THEM6: variants seen among roughly 807,000 people sequenced by gnomAD.
THEM6 encodes protein THEM6.
A neutral mutation model predicts 13.7 loss-of-function variants in THEM6; 10 were observed. The ratio of observed to expected loss-of-function variants is 0.73; its 90% confidence interval spans 0.45 to 1.24. The LOEUF (loss-of-function observed/expected upper bound fraction) is 1.24. Among genes scored for constraint, THEM6 ranks in the 50% most tolerant of loss-of-function variants. The pLI is 0.00. For synonymous variants in THEM6, 161 were observed against 156.0 expected (o/e 1.03, Z -0.24); for missense variants, 317 against 312.6 (o/e 1.01, Z -0.11).
Position 142,735,278 on chromosome 8 carries a change from G to A in THEM6, c.514-48G>A, listed in dbSNP as rs1162186406. 3 of 1,404,390 alleles carry A rather than the reference G, an allele frequency of 2.1e-6. No homozygotes were observed. The South Asian group carries it at 3.7e-5, about 17-fold the overall frequency. The allele number at this position is 1,404,390 out of a possible 1,614,324, so 87.0% of individuals were successfully genotyped here. On this transcript the variant is annotated intron_variant, in intron 1 of 1. Transcript: ENST00000336138. ...GAGCAGTGTGGGCAGCGGCCCAGAG[G>A]TGGGAAGGCCGTAGCTTAGCTGGGT...
intron 1 of THEM6, among the ~76,000 whole-genome samples, chr8:142,733,279 C>A (rs896665732): frequency 2.0e-5 from 3 of 152,180 alleles, no homozygotes; most frequent in African/African-American, 4.8e-5. Context: ...TATAAGCATG[C>A]CAGGGCAAAT....
rs1034222386 is a variant in THEM6, at chr8:142,735,630, G to A, written c.*191G>A. On this transcript the variant is annotated 3_prime_UTR_variant, in exon 2 of 2. Coordinates refer to ENST00000336138, the MANE Select transcript of THEM6 (RefSeq NM_016647.3). ...CTGGGCTCCACGCTAGGCAGAAGGAGGAGTGGCATTGGCATCCTGACCCAG... is the reference window on the plus strand; with the variant it reads ...CTGGGCTCCACGCTAGGCAGAAGGAAGAGTGGCATTGGCATCCTGACCCAG... The A allele has an allele frequency of 1.4e-5, 8 of 580,594 alleles. No individual in the cohort carries two copies. The highest frequency in any genetic ancestry group is 2.2e-5 in the Non-Finnish European group (7 of 321,664). The allele number at this position is 580,594 out of a possible 1,614,324, so 36.0% of individuals were successfully genotyped here. A position where few individuals can be genotyped will look rare whatever the true frequency, so the allele number is the denominator to read the frequency against.
intron 1 of THEM6, among the ~76,000 whole-genome samples, chr8:142,733,512 C>T (rs1815697090): frequency 6.6e-6 from 1 of 152,188 alleles, no homozygotes. Flanking sequence ...TCTGGGGATG[C>T]AGCCCAGCAG....
At chr8:142,729,379 C>T (rs1344455648) in intron 1 of THEM6, among the ~76,000 whole-genome samples, 3 of 152,086 alleles carry the variant, frequency 2.0e-5, no homozygotes, top group Admixed American at 6.5e-5. Flanking sequence ...ACAAAGGAGA[C>T]AGGCTCATTT....
intron 1 of THEM6, among the ~76,000 whole-genome samples, chr8:142,729,654 T>G (rs1225901210): frequency 2.0e-5 from 3 of 152,048 alleles, no homozygotes; most frequent in African/African-American, 7.3e-5. Context: ...TTTATGTCAA[T>G]CCCCATACCA....
chr8:142,734,930 C>T (rs1815726830), intron 1 of THEM6: 2 of 195,418 alleles, frequency 1.0e-5, no homozygotes, highest in Non-Finnish European at 2.1e-5. Flanking sequence ...AAGTGCCATC[C>T]TCTGGGTGCC....
At chr8:142,734,882 A>G in intron 1 of THEM6, 1 of 168,376 alleles carries the variant, frequency 5.9e-6, no homozygotes, top group East Asian at 1.7e-4. Context: ...GAGAGGGTTG[A>G]TAGTGGAGTG....
In THEM6 at chr8:142,727,809, CT is replaced by C. The variant is rs1440890673; in HGVS notation, c.464del (p.Leu155ArgfsTer87). 5.6e-5 allele frequency: 82 copies of C among 1,466,378 alleles called. No homozygotes were observed. Among genetic ancestry groups the C allele is most frequent in the Non-Finnish European group, 7.2e-5 (81 of 1,117,800 alleles). 90.8% of individuals were successfully genotyped at this position (1,466,378 alleles called of 1,614,324 possible). Reference sequence around the variant, plus strand: ...CGCGCTGCTGCGCTTCCGGCAGCACCTGCTGGGCACCTCACCCGAGCGCGTC... The same window carrying C: ...CGCGCTGCTGCGCTTCCGGCAGCACCGCTGGGCACCTCACCCGAGCGCGTC... ...VCALLRFRQH[L>X]LGTSPERVVQ... On this transcript the variant is annotated frameshift_variant, in exon 1 of 2. Coordinates refer to ENST00000336138, the MANE Select transcript of THEM6 (RefSeq NM_016647.3). LOFTEE classifies it high-confidence loss of function.
At chr8:142,734,577 G>C (rs587750680) in intron 1 of THEM6, 12 of 152,920 alleles carry the variant, frequency 7.8e-5, no homozygotes, top group African/African-American at 2.9e-4. Context: ...GAAGAGCTGG[G>C]CTGGGGTGAG....
intron 1 of THEM6, among the ~76,000 whole-genome samples, chr8:142,730,901 T>C (rs1175354901): frequency 2.0e-5 from 3 of 152,054 alleles, no homozygotes; most frequent in African/African-American, 4.8e-5. Context: ...CCCGCCACCA[T>C]GCCCAGCTAA....
At chr8:142,732,703 G>A (rs1815677698) in intron 1 of THEM6, among the ~76,000 whole-genome samples, 1 of 146,298 alleles carries the variant, frequency 6.8e-6, no homozygotes, top group Admixed American at 7.1e-5. Flanking sequence ...TAGGTTGCTG[G>A]CCAGTTTCTT....
At chr8:142,735,215 G>C (rs1815731016) in intron 1 of THEM6, 111 bp from the exon 2 acceptor site, 2 of 775,444 alleles carry the variant, frequency 2.6e-6, no homozygotes, top group African/African-American at 3.4e-5. Context: ...AGCATGGCAG[G>C]CGGCGGGGCA....
chr8:142,734,137 T>A (rs1815709165), intron 1 of THEM6, among the ~76,000 whole-genome samples: 1 of 152,218 alleles, frequency 6.6e-6, no homozygotes, highest in Non-Finnish European at 1.5e-5. Context: ...TGGGCTAGTC[T>A]TTCTGGTTAA....
At position 142,727,794 on chromosome 8, in the gene THEM6, C is replaced by A. The variant is rs1554642545; in HGVS notation, c.448C>A (p.Arg150Ser). ...LRDGFVCALL[R>S]FRQHLLGTSP... ...GGACGGCTTCGTGTGCGCGCTGCTG[C>A]GCTTCCGGCAGCACCTGCTGGGCAC... The change falls in exon 1 of 2, where the codon CGC (arginine) becomes AGC (serine). Residue 150 changes from arginine (R) to serine (S), a missense_variant. Arg to Ser is a moderately radical substitution (Grantham distance 110). Transcript: ENST00000336138. The A allele has an allele frequency of 6.8e-7, 1 of 1,468,594 alleles. No homozygotes were observed. Among genetic ancestry groups the A allele is most frequent in the Non-Finnish European group, 8.9e-7 (1 of 1,118,816 alleles). The allele number at this position is 1,468,594 out of a possible 1,614,324, so 91.0% of individuals were successfully genotyped here.
chr8:142,727,655 G>T lies in THEM6; in HGVS notation c.309G>T (p.Ser103=). Residue 103 remains serine, a synonymous_variant, in exon 1 of 2, where the codon TCG becomes TCT. Coordinates refer to ENST00000336138, the MANE Select transcript of THEM6 (RefSeq NM_016647.3). ...ELRAHTVLAA[S]CARHRRSLRL... is the part of the protein sequence containing the mutation. Reference sequence around the variant, plus strand: ...GGGCGCACACGGTGCTGGCGGCCTCGTGCGCGCGCCACCGCCGCTCGCTGC... The same window carrying T: ...GGGCGCACACGGTGCTGGCGGCCTCTTGCGCGCGCCACCGCCGCTCGCTGC... 1 of 1,443,464 alleles carries T rather than the reference G, an allele frequency of 6.9e-7. No homozygotes were observed. The highest frequency in any genetic ancestry group is 9.0e-7 in the Non-Finnish European group (1 of 1,109,632). 89.4% of individuals were successfully genotyped at this position (1,443,464 alleles called of 1,614,324 possible). A position where few individuals can be genotyped will look rare whatever the true frequency, so the allele number is the denominator to read the frequency against.
rs782464409 is a variant in THEM6 at position 142,727,483 on chromosome 8, C to G, written c.137C>G (p.Ala46Gly). 25 of 1,576,686 alleles carry G rather than the reference C, an allele frequency of 1.6e-5. No individual in the cohort carries two copies. Among genetic ancestry groups the G allele is most frequent in the Non-Finnish European group, 8.6e-7 (1 of 1,169,574 alleles). ...LLQPRVRDLLAEQRFPGRVLP... is the reference protein window; with the variant it reads ...LLQPRVRDLLGEQRFPGRVLP... ...CAGCCGCGCGTCCGTGACCTGCTAG[C>G]TGAGCAGCGCTTCCCGGGCCGCGTG... is the stretch of plus-strand genomic sequence containing the variant. Residue 46 changes from alanine to glycine, a missense_variant, in exon 1 of 2, where the codon GCT (alanine) becomes GGT (glycine). Transcript: ENST00000336138.
chr8:142,735,763 G>C lies in THEM6; in HGVS notation c.*324G>C. Reference sequence around the variant, plus strand: ...GGGGAGGATGGTGCCTGGAGCAGAGGGACCCACAAGTGCCTCCCGAGCCTA... The same window carrying C: ...GGGGAGGATGGTGCCTGGAGCAGAGCGACCCACAAGTGCCTCCCGAGCCTA... On this transcript the variant is annotated 3_prime_UTR_variant, in exon 2 of 2. Transcript: ENST00000336138. 3.2e-6 allele frequency: 1 copy of C among 315,274 alleles called. No individual in the cohort carries two copies. Among genetic ancestry groups the C allele is most frequent in the South Asian group, 3.9e-5 (1 of 25,416 alleles). 19.5% of individuals were successfully genotyped at this position (315,274 alleles called of 1,614,324 possible).
chr8:142,727,345 C>T lies in THEM6; in HGVS notation c.-2C>T. 1 of 1,510,060 alleles carries T rather than the reference C, an allele frequency of 6.6e-7. No homozygotes were observed. The highest frequency in any genetic ancestry group is 8.8e-7 in the Non-Finnish European group (1 of 1,136,304). 93.5% of individuals were successfully genotyped at this position (1,510,060 alleles called of 1,614,324 possible). On this transcript the variant is annotated 5_prime_UTR_variant, in exon 1 of 2. Coordinates refer to ENST00000336138, the MANE Select transcript of THEM6 (RefSeq NM_016647.3). ...CAGGACCCCGCGCCCGCCGCCGCCG[C>T]TATGCTGGGGCTGCTGGTGGCGTTG...
Position 142,727,511 on chromosome 8 carries a change from GC to G in THEM6, c.168del (p.Ser57ArgfsTer9). On this transcript the variant is annotated frameshift_variant, in exon 1 of 2. Transcript: ENST00000336138. LOFTEE classifies it high-confidence loss of function. ...AEQRFPGRVL[P>X]SDLDLLLHMN... ...AGCAGCGCTTCCCGGGCCGCGTGCT[GC>G]CCTCGGACTTGGACCTGCTGCTGCA... 1 of 1,579,470 alleles carries G rather than the reference GC, an allele frequency of 6.3e-7. No individual in the cohort carries two copies.
Sources: allele counts gnomAD v4.1 joint callset (sites outside exome capture counted in the v4.1 genomes callset), GRCh38; gene constraint gnomAD v4.1.1; transcripts MANE v1.5; gene names NCBI Gene and HGNC (gene_info 2026-07-23, HGNC 2026-07-21).